The following SEMA6D variants were observed in gnomAD, a reference collection of about 807,000 sequenced individuals.
SEMA6D encodes semaphorin-6D.
Under a neutral mutation model 106.6 loss-of-function variants are expected in SEMA6D, and 35 were observed. The ratio of observed to expected loss-of-function variants is 0.33; its 90% confidence interval spans 0.25 to 0.44. The LOEUF (loss-of-function observed/expected upper bound fraction) is 0.44, where lower values mean the gene tolerates loss of function less well. Ranked by LOEUF, SEMA6D falls within the 20% of genes least tolerant of loss-of-function variation. The probability of loss-of-function intolerance (pLI) is 1.00; values close to 1 mark genes in which losing one functional copy is unlikely to be tolerated. For missense variants in SEMA6D, 1,185 were observed against 1,345.9 expected (o/e 0.88, Z 1.87); for synonymous variants, 499 against 487.7 (o/e 1.02, Z -0.31).
chr15:47,460,176 T>A (rs1310211869), intron 2 of SEMA6D, among the ~76,000 whole-genome samples: 2 of 152,134 alleles, frequency 1.3e-5, no homozygotes, highest in Admixed American at 6.5e-5. Flanking sequence ...ATTCTCCTCC[T>A]GTGAATTCTC....
chr15:47,294,119 C>T (rs911145682), intron 1 of SEMA6D, among the ~76,000 whole-genome samples: 5 of 151,580 alleles, frequency 3.3e-5, no homozygotes, highest in African/African-American at 1.2e-4. Context: ...TTTTCAGAGC[C>T]GTGCACTATT....
chr15:47,516,235 A>G (rs190972898), intron 3 of SEMA6D, among the ~76,000 whole-genome samples: 245 of 152,260 alleles, frequency 1.6e-3, no homozygotes, highest in African/African-American at 5.8e-3. Context: ...CCTCAATGTA[A>G]ACTTATCTCA....
At chr15:47,537,779 T>C (rs1329295868) in intron 3 of SEMA6D, among the ~76,000 whole-genome samples, 1 of 152,158 alleles carries the variant, frequency 6.6e-6, no homozygotes, top group Non-Finnish European at 1.5e-5. Context: ...GACGTGTGTC[T>C]CAAGAGTTGC....
chr15:47,254,095 T>G (rs892126912), intron 1 of SEMA6D, among the ~76,000 whole-genome samples: 5 of 150,474 alleles, frequency 3.3e-5, no homozygotes, highest in Middle Eastern at 3.4e-3. Flanking sequence ...TTGCTAGGTG[T>G]TTTTTTTTGT....
intron 1 of SEMA6D, chr15:47,274,481 T>C (rs563122874): frequency 3.3e-5 from 5 of 152,294 alleles, no homozygotes; most frequent in African/African-American, 1.2e-4. Flanking sequence ...GCACAAGCTC[T>C]GTTTGTGAGC....
intron 4 of SEMA6D, among the ~76,000 whole-genome samples, chr15:47,612,061 A>G (rs1376618355): frequency 1.3e-5 from 2 of 152,202 alleles, no homozygotes; most frequent in African/African-American, 2.4e-5. Context: ...AATCATGTCT[A>G]TAAAGTGGAA....
chr15:47,647,946 C>G (rs149079496), intron 4 of SEMA6D, among the ~76,000 whole-genome samples: 12 of 152,272 alleles, frequency 7.9e-5, no homozygotes, highest in Non-Finnish European at 1.6e-4. Context: ...CCTTTCCGCA[C>G]ACTCACGTAT....
Position 47,759,888 on chromosome 15 carries a change from T to C in SEMA6D, c.90T>C (p.Leu30=), listed in dbSNP as rs528743191. ...GCTTTCCTGAAGATGATGAACCCCTTAATACTGTCGACTATCACTGTAAGT... is the reference window on the plus strand; with the variant it reads ...GCTTTCCTGAAGATGATGAACCCCTCAATACTGTCGACTATCACTGTAAGT... ...AVSFPEDDEP[L]NTVDYHYSRQ... Residue 30 remains leucine, a synonymous_variant, in exon 2 of 19, where the codon CTT becomes CTC. Coordinates refer to ENST00000536845, the MANE Select transcript of SEMA6D (RefSeq NM_001358351.3). 6.6e-5 allele frequency: 106 copies of C among 1,612,392 alleles called. 3 individuals are homozygous for C. The South Asian group carries it at 1.1e-3, about 17-fold the overall frequency.
At chr15:47,746,984 G>GTGTATATATATATA (rs1401767590) in intron 1 of SEMA6D, among the ~76,000 whole-genome samples, 11 of 122,106 alleles carry the variant, frequency 9.0e-5, no homozygotes, top group South Asian at 2.8e-4. Context: ...GTGTGTGTGT[G>GTGTATATATATATA]TATATATATA....
chr15:47,436,749 T>C (rs1595991214), intron 2 of SEMA6D, among the ~76,000 whole-genome samples: 1 of 69,300 alleles, frequency 1.4e-5, no homozygotes, highest in Non-Finnish European at 2.7e-5. Flanking sequence ...TGGGCAGTCC[T>C]ATCTCTATTA....
At chr15:47,426,114 T>C (rs1455199892) in intron 2 of SEMA6D, among the ~76,000 whole-genome samples, 1 of 152,180 alleles carries the variant, frequency 6.6e-6, no homozygotes, top group Non-Finnish European at 1.5e-5. Flanking sequence ...GGTTTCCAAA[T>C]TCTACAAAAA....
chr15:47,592,773 T>C (rs1342049188), intron 3 of SEMA6D, among the ~76,000 whole-genome samples: 1 of 152,238 alleles, frequency 6.6e-6, no homozygotes, highest in Non-Finnish European at 1.5e-5. Context: ...AAATGAATTC[T>C]AACTGTAGTC....
intron 18 of SEMA6D, among the ~76,000 whole-genome samples, chr15:47,769,862 T>C (rs2082536789): frequency 6.6e-6 from 1 of 152,132 alleles, no homozygotes; most frequent in South Asian, 2.1e-4. Context: ...TATGTTTCCT[T>C]AGACTGTCTG....
At chr15:47,625,895 G>A (rs566275330) in intron 4 of SEMA6D, among the ~76,000 whole-genome samples, 3 of 151,862 alleles carry the variant, frequency 2.0e-5, no homozygotes, top group East Asian at 1.9e-4. Flanking sequence ...ATTCCAATAC[G>A]ATCACTTTCA....
intron 3 of SEMA6D, among the ~76,000 whole-genome samples, chr15:47,510,787 G>T (rs1020737046): frequency 3.9e-5 from 6 of 152,110 alleles, no homozygotes; most frequent in African/African-American, 1.4e-4. Context: ...GTGTCAGTGG[G>T]CCTGGAAGAA....
At chr15:47,514,687 C>A (rs1247033889) in intron 3 of SEMA6D, among the ~76,000 whole-genome samples, 2 of 152,144 alleles carry the variant, frequency 1.3e-5, no homozygotes, top group African/African-American at 4.8e-5. Flanking sequence ...GCTTTCTTGC[C>A]TTTATTACAG....
intron 3 of SEMA6D, among the ~76,000 whole-genome samples, chr15:47,534,689 G>T (rs1295881905): frequency 1.3e-5 from 2 of 152,042 alleles, no homozygotes; most frequent in African/African-American, 4.8e-5. Context: ...TGCTTTCGGG[G>T]ATTTGAGATT....
chr15:47,558,052 G>A (rs570908188), intron 3 of SEMA6D, among the ~76,000 whole-genome samples: 33 of 152,168 alleles, frequency 2.2e-4, no homozygotes, highest in African/African-American at 7.0e-4. Context: ...CCAGCCGTCC[G>A]TAGACCTCTG....
At chr15:47,289,326 G>A (rs899953477) in intron 1 of SEMA6D, among the ~76,000 whole-genome samples, 8 of 149,716 alleles carry the variant, frequency 5.3e-5, no homozygotes, top group Non-Finnish European at 8.9e-5. Context: ...CCTAGGAGGC[G>A]GAGGTTTCAG....
Sources: gnomAD v4.1 joint callset for allele counts (sites outside exome capture counted in the v4.1 genomes callset) on GRCh38, gnomAD v4.1.1 for gene constraint, MANE v1.5 for transcripts, NCBI Gene and HGNC (gene_info 2026-07-23, HGNC 2026-07-21) for gene names.